FAM171B: variants seen among roughly 807,000 people sequenced by gnomAD.
The protein encoded by FAM171B is protein FAM171B.
In FAM171B, 19 loss-of-function variants were observed where a neutral mutation model predicts 75.6. The observed-to-expected ratio is 0.25, with a 90% CI of 0.18 to 0.37. FAM171B has a LOEUF of 0.37. Ranked by LOEUF, FAM171B falls within the 10% of genes least tolerant of loss-of-function variation. The pLI is 1.00. For missense variants in FAM171B, 848 were observed against 982.4 expected (o/e 0.86, Z 1.83); for synonymous variants, 367 against 361.7 (o/e 1.01, Z -0.17).
At chr2:186,721,142 G>C (rs1188292088) in intron 1 of FAM171B, among the ~76,000 whole-genome samples, 2 of 152,136 alleles carry the variant, frequency 1.3e-5, no homozygotes, top group Non-Finnish European at 2.9e-5. Context: ...TTAGGTCAGT[G>C]GTTCTCAATC....
intron 3 of FAM171B, among the ~76,000 whole-genome samples, chr2:186,746,517 A>C (rs1040050170): frequency 6.6e-6 from 1 of 152,234 alleles, no homozygotes; most frequent in Non-Finnish European, 1.5e-5. Context: ...CAGTAGAAAT[A>C]ATTGAAAACT....
At chr2:186,757,705 C>T (rs561261813) in intron 6 of FAM171B, among the ~76,000 whole-genome samples, 7 of 152,206 alleles carry the variant, frequency 4.6e-5, no homozygotes, top group African/African-American at 1.7e-4. Context: ...GAAAAGAATG[C>T]TTTTCTACCT....
At chr2:186,739,351 A>T (rs1190891745) in intron 1 of FAM171B, among the ~76,000 whole-genome samples, 1 of 152,202 alleles carries the variant, frequency 6.6e-6, no homozygotes, top group Non-Finnish European at 1.5e-5. Context: ...GCTTACTATA[A>T]GTTCATAAAC....
Position 186,765,841 on chromosome 2 carries a change from T to C in FAM171B, c.*3018T>C, listed in dbSNP as rs1559096122. On this transcript the variant is annotated 3_prime_UTR_variant, in exon 8 of 8. Transcript: ENST00000304698. ...TTTGTATTCTTTCAGAGAAATCTCA[T>C]ATTTCGGTGTATTTATTGCTGTTAC... The C allele has an allele frequency of 6.6e-6, 1 of 152,146 alleles. No homozygotes were observed. Among genetic ancestry groups the C allele is most frequent in the Non-Finnish European group, 1.5e-5 (1 of 67,992 alleles). 9.4% of individuals were successfully genotyped at this position (152,146 alleles called of 1,614,324 possible).
Position 186,762,174 on chromosome 2 carries a change from A to C in FAM171B, c.1832A>C (p.Gln611Pro), listed in dbSNP as rs375280066. ...GAGGATATCATACTTGAAGGTCAAC[A>C]GAGCCTGCCATCCCAGGCTTCAGAT... is the stretch of plus-strand genomic sequence containing the variant. ...REEDIILEGQQSLPSQASDWS... is the reference protein window; with the variant it reads ...REEDIILEGQPSLPSQASDWS... Residue 611 changes from glutamine (Q) to proline (P), a missense_variant, in exon 8 of 8, where the codon CAG (glutamine) becomes CCG (proline). This residue lies in a region of FAM171B where 665 missense variants were observed against 729.0 expected (regional missense o/e 0.91). Coordinates refer to ENST00000304698, the MANE Select transcript of FAM171B (RefSeq NM_177454.4). The surrounding 1 kb of genome is among the most constrained non-coding windows in gnomAD (Gnocchi z 4.0). 10 of 1,613,740 alleles carry C rather than the reference A, an allele frequency of 6.2e-6. No individual in the cohort carries two copies. The South Asian group carries it at 8.8e-5, about 14-fold the overall frequency.
In FAM171B at chr2:186,762,114, T is replaced by A. The variant is rs1426462102; in HGVS notation, c.1772T>A (p.Ile591Asn). ...ACGCAGACCTTGCCCAAAATGCCAA[T>A]TCATTCTCATGCACAGCCCCCAGAT... is the stretch of plus-strand genomic sequence containing the variant. The part of the protein sequence containing the change: ...NFTQTLPKMP[I>N]HSHAQPPDAR... The change falls in exon 8 of 8, where the codon ATT (isoleucine) becomes AAT (asparagine). Residue 591 changes from isoleucine to asparagine, a missense_variant. Transcript: ENST00000304698. This position sits in a 1 kb window ranked among gnomAD's most constrained non-coding sequence, Gnocchi z 4.0. The A allele has an allele frequency of 6.2e-7, 1 of 1,613,560 alleles. No individual in the cohort carries two copies. The highest frequency in any genetic ancestry group is 1.3e-5 in the African/African-American group (1 of 74,858).
chr2:186,705,564 G>A (rs1025756129), intron 1 of FAM171B, among the ~76,000 whole-genome samples: 3 of 152,096 alleles, frequency 2.0e-5, no homozygotes, highest in Non-Finnish European at 4.4e-5. Flanking sequence ...CCTGAAAGGG[G>A]TCAGAAAACC....
chr2:186,752,571 C>T (rs1479766159), intron 5 of FAM171B, among the ~76,000 whole-genome samples: 1 of 151,978 alleles, frequency 6.6e-6, no homozygotes, highest in Non-Finnish European at 1.5e-5. Context: ...ATGAGGAAGT[C>T]GTGTTAAGGC....
intron 3 of FAM171B, among the ~76,000 whole-genome samples, chr2:186,744,410 A>G (rs777942644): frequency 2.6e-5 from 4 of 152,176 alleles, no homozygotes; most frequent in African/African-American, 4.8e-5. Context: ...AAAATTTACT[A>G]TTATTTGGGA....
intron 1 of FAM171B, among the ~76,000 whole-genome samples, chr2:186,701,082 A>C (rs1689653563): frequency 6.6e-6 from 1 of 151,770 alleles, no homozygotes; most frequent in Admixed American, 6.6e-5. Context: ...ATGCCTGGCT[A>C]AGTTTTGTAT....
chr2:186,696,361 T>G (rs1689580853), intron 1 of FAM171B, among the ~76,000 whole-genome samples: 1 of 151,468 alleles, frequency 6.6e-6, no homozygotes, highest in African/African-American at 2.4e-5. Flanking sequence ...GTTAAAATAT[T>G]CCTTTGAATG....
intron 1 of FAM171B, 130 bp downstream of exon 1, chr2:186,694,541 T>G: frequency 7.8e-6 from 10 of 1,282,130 alleles, no homozygotes; most frequent in South Asian, 1.6e-5. Flanking sequence ...TCCCGATCTC[T>G]CTCCCCAGAC....
intron 1 of FAM171B, among the ~76,000 whole-genome samples, chr2:186,701,758 A>C (rs576683923): frequency 2.6e-5 from 4 of 152,320 alleles, no homozygotes; most frequent in African/African-American, 9.6e-5. Context: ...ATTTGAGTCC[A>C]GTTTGTTTTA....
intron 1 of FAM171B, among the ~76,000 whole-genome samples, chr2:186,738,295 C>G (rs1690234480): frequency 6.6e-6 from 1 of 151,942 alleles, no homozygotes; most frequent in Non-Finnish European, 1.5e-5. Flanking sequence ...GTTCTTGTCC[C>G]ATGCCCAAGA....
intron 6 of FAM171B, 51 bp from the exon 7 acceptor site, chr2:186,761,062 A>C (rs767839128): frequency 4.5e-6 from 7 of 1,564,268 alleles, no homozygotes; most frequent in Non-Finnish European, 6.1e-6. Flanking sequence ...GACATAGTTG[A>C]GAATTTGATC....
chr2:186,732,710 C>A (rs1466616624), intron 1 of FAM171B, among the ~76,000 whole-genome samples: 2 of 152,210 alleles, frequency 1.3e-5, no homozygotes, highest in African/African-American at 4.8e-5. Flanking sequence ...TCTGCATGTG[C>A]AGTGGCCTGC....
chr2:186,726,459 A>G (rs1428741514), intron 1 of FAM171B, among the ~76,000 whole-genome samples: 1 of 151,888 alleles, frequency 6.6e-6, no homozygotes, highest in Non-Finnish European at 1.5e-5. Flanking sequence ...AACTGATTAA[A>G]CCCTTTCCAC....
At chr2:186,743,164 T>C (rs1222717697) in intron 2 of FAM171B, among the ~76,000 whole-genome samples, 5 of 152,220 alleles carry the variant, frequency 3.3e-5, no homozygotes, top group African/African-American at 4.8e-5. Flanking sequence ...CAGGGAGTTA[T>C]TCAAGCATTT....
At chr2:186,709,566 A>T (rs941062544) in intron 1 of FAM171B, among the ~76,000 whole-genome samples, 13 of 152,208 alleles carry the variant, frequency 8.5e-5, no homozygotes, top group Non-Finnish European at 1.6e-4. Flanking sequence ...TTCCCCTGCC[A>T]CAAAAACAGT....
Sources: gnomAD v4.1 joint callset for allele counts (sites outside exome capture counted in the v4.1 genomes callset) on GRCh38, gnomAD v4.1.1 for gene constraint, gnomAD v4.1.1 regional missense constraint, Gnocchi (gnomAD v3.1) non-coding constraint, MANE v1.5 for transcripts, NCBI Gene and HGNC (gene_info 2026-07-23, HGNC 2026-07-21) for gene names.